DIO2: variants seen among roughly 807,000 people sequenced by gnomAD.
DIO2 encodes iodothyronine deiodinase 2, also known as type II iodothyronine deiodinase.
Under a neutral mutation model 21.4 loss-of-function variants are expected in DIO2, and 19 were observed. The ratio of observed to expected loss-of-function variants is 0.89; its 90% CI spans 0.62 to 1.30. The LOEUF is 1.30. DIO2 is among the 50% of genes most tolerant of loss of function. The probability of loss-of-function intolerance (pLI) is 0.00; values close to 1 mark genes in which losing one functional copy is unlikely to be tolerated. For missense variants in DIO2, 302 were observed against 338.1 expected (o/e 0.89, Z 0.84); for synonymous variants, 122 against 132.9 (o/e 0.92, Z 0.57).
intron 2 of DIO2, among the ~76,000 whole-genome samples, chr14:80,226,578 G>A (rs920142992): frequency 3.9e-5 from 6 of 152,190 alleles, no homozygotes; most frequent in Admixed American, 2.0e-4. Flanking sequence ...CCCAAGGAAT[G>A]GTGCCATACC....
At chr14:80,218,546 A>T (rs1011143805) in intron 2 of DIO2, among the ~76,000 whole-genome samples, 1 of 152,178 alleles carries the variant, frequency 6.6e-6, no homozygotes, top group African/African-American at 2.4e-5. Flanking sequence ...AAGCTGGCCA[A>T]ATATTCCTGA....
At chr14:80,203,492 A>G (rs1466918861) in intron 1 of DIO2, among the ~76,000 whole-genome samples, 1 of 152,202 alleles carries the variant, frequency 6.6e-6, no homozygotes, top group Admixed American at 6.5e-5. Flanking sequence ...AAAAGACAAT[A>G]AAAGTCTTTT....
chr14:80,230,548 T>C (rs559515680), intron 2 of DIO2, among the ~76,000 whole-genome samples: 1 of 152,296 alleles, frequency 6.6e-6, no homozygotes, highest in African/African-American at 2.4e-5. Flanking sequence ...TTCATTATGT[T>C]CCTTGATTCT....
chr14:80,211,525 T>G (rs1004404096), upstream of DIO2: 6 of 968,916 alleles, frequency 6.2e-6, no homozygotes, highest in African/African-American at 5.6e-5. Flanking sequence ...CCCTTCACCC[T>G]CTTATTTAAA....
Position 80,202,821 on chromosome 14 carries a change from C to T in DIO2, c.690G>A (p.Val230=). The stretch of plus-strand genomic sequence containing the variant: ...CAATTTTCTGTCTCTGCACAATGCA[C>T]ACACGTTCAAAGGCTACCCCGTAAG... ...NIAYGVAFER[V]CIVQRQKIAY... The change falls in exon 2 of 2, where the codon GTG becomes GTA. Residue 230 remains valine, a synonymous_variant. Coordinates refer to ENST00000438257, the MANE Select transcript of DIO2 (RefSeq NM_013989.5). 6.2e-7 allele frequency: 1 copy of T among 1,613,952 alleles called. No individual in the cohort carries two copies. The highest frequency in any genetic ancestry group is 8.5e-7 in the Non-Finnish European group (1 of 1,179,906).
intron 1 of DIO2, among the ~76,000 whole-genome samples, chr14:80,210,042 C>A (rs952599536): frequency 6.6e-6 from 1 of 152,170 alleles, no homozygotes; most frequent in Non-Finnish European, 1.5e-5. Flanking sequence ...TAAAACACAC[C>A]ACTTCACTGA....
intron 2 of DIO2, among the ~76,000 whole-genome samples, chr14:80,227,091 T>A (rs1057163248): frequency 2.6e-5 from 4 of 152,122 alleles, no homozygotes; most frequent in African/African-American, 9.7e-5. Flanking sequence ...CTGGGAAGAT[T>A]TCCTTCCACT....
At chr14:80,222,332 G>A (rs1164751263) in intron 2 of DIO2, among the ~76,000 whole-genome samples, 1 of 152,138 alleles carries the variant, frequency 6.6e-6, no homozygotes, top group Admixed American at 6.5e-5. Context: ...ACATAAAAAT[G>A]AAATAAAAAT....
At position 80,226,188 on chromosome 14, in the gene DIO2, C is replaced by T. The variant is rs962692362; in HGVS notation, c.-277-9451G>A. On this transcript the variant is annotated intron_variant, in intron 2 of 4. Coordinates refer to the DIO2 transcript ENST00000553594. ...CACAGCCTTCTGGAGAACTTTGCCA[C>T]AGTCCTGCAAAGTATTGTCACCTAG... Among the ~76,000 whole-genome samples the T allele has an allele frequency of 3.9e-5, 6 of 152,152 alleles. No individual in the cohort carries two copies. In the South Asian group the frequency reaches 1.0e-3, roughly 26 times the overall value.
intron 2 of DIO2, among the ~76,000 whole-genome samples, chr14:80,222,107 C>T (rs1888476985): frequency 6.6e-6 from 1 of 152,164 alleles, no homozygotes; most frequent in Admixed American, 6.5e-5. Context: ...AAAATTTTAC[C>T]TGATGCTCTA....
intron 3 of DIO2, chr14:80,216,636 CA>C (rs1187005456): frequency 2.0e-5 from 3 of 151,712 alleles, no homozygotes; most frequent in Non-Finnish European, 4.4e-5. Flanking sequence ...CATTCATGAC[CA>C]AAAATAAATA....
chr14:80,206,228 C>T (rs754607013), intron 1 of DIO2: 1 of 1,514,236 alleles, frequency 6.6e-7, no homozygotes, highest in Non-Finnish European at 8.9e-7. Flanking sequence ...AACACACACC[C>T]ACCATCCATA....
rs774811269 is a variant in DIO2, at chr14:80,201,766, T to C, written c.*923A>G. The C allele has an allele frequency of 2.0e-5, 3 of 152,076 alleles. No homozygotes were observed. Among genetic ancestry groups the C allele is most frequent in the African/African-American group, 4.8e-5 (2 of 41,354 alleles). 9.4% of individuals were successfully genotyped at this position (152,076 alleles called of 1,614,324 possible). A position where few individuals can be genotyped will look rare whatever the true frequency, so the allele number is the denominator to read the frequency against. ...CTCACAATTACAAATATTTAAGTAT[T>C]TTTTTTTCTTTCAATCACCCCTTTC... On this transcript the variant is annotated 3_prime_UTR_variant, in exon 2 of 2. Transcript: ENST00000438257.
rs1439544840 is a variant in DIO2 at position 80,199,192 on chromosome 14, A to G, written c.*3497T>C. ...GAATTTTATGCAGCAAGGCAGCACC[A>G]ACATGTGACCTCACCATATTTCATA... is the stretch of plus-strand genomic sequence containing the variant. On this transcript the variant is annotated 3_prime_UTR_variant, in exon 2 of 2. Coordinates refer to ENST00000438257, the MANE Select transcript of DIO2 (RefSeq NM_013989.5). 1.3e-5 allele frequency: 2 copies of G among 152,266 alleles called. No homozygotes were observed. The highest frequency in any genetic ancestry group is 2.9e-5 in the Non-Finnish European group (2 of 68,060). The allele number at this position is 152,266 out of a possible 1,614,324, so 9.4% of individuals were successfully genotyped here.
At position 80,197,665 on chromosome 14, in the gene DIO2, CAT is replaced by C. The variant is rs1354065947; in HGVS notation, c.*5022_*5023del. On this transcript the variant is annotated 3_prime_UTR_variant, in exon 2 of 2. Coordinates refer to ENST00000438257, the MANE Select transcript of DIO2 (RefSeq NM_013989.5). ...GTTCATTTTCTGCAACTGAGAAGCA[CAT>C]ATGTGTAGCATATGCACGCGTGCAT... 2.0e-5 allele frequency: 3 copies of C among 152,656 alleles called. No homozygotes were observed. Among genetic ancestry groups the C allele is most frequent in the Admixed American group, 6.5e-5 (1 of 15,288 alleles). 9.5% of individuals were successfully genotyped at this position (152,656 alleles called of 1,614,324 possible).
rs371030555 is a variant in DIO2, at chr14:80,202,768, G to A, written c.743C>T (p.Ser248Phe). 6.2e-7 allele frequency: 1 copy of A among 1,613,902 alleles called. No homozygotes were observed. The highest frequency in any genetic ancestry group is 1.3e-5 in the African/African-American group (1 of 75,012). ...ATGCCGGACTTCTTGAAGGTTGTAG[G>A]AGAAGGGGCCCTTTCCTCCCAGATA... ...IAYLGGKGPF[S>F]YNLQEVRHWL... The change falls in exon 2 of 2, where the codon TCC becomes TTC. Residue 248 changes from serine (S) to phenylalanine (F), a missense_variant. By Grantham distance (155) the Ser-to-Phe change is radical. Transcript: ENST00000438257.
In DIO2 at chr14:80,203,088, T is replaced by G. The variant is rs746553364; in HGVS notation, c.423A>C (p.Pro141=). 11 of 1,613,926 alleles carry G rather than the reference T, an allele frequency of 6.8e-6. No individual in the cohort carries two copies. Among genetic ancestry groups the G allele is most frequent in the Non-Finnish European group, 8.5e-6 (10 of 1,179,854 alleles). The part of the protein sequence containing the change: ...ATUPPFTSQL[P]AFRKLVEEFS... ...ACTCTTCCACCAGTTTGCGGAAGGCTGGCAGCTGGCTCGTGAAAGGAGGTC... is the reference window on the plus strand; with the variant it reads ...ACTCTTCCACCAGTTTGCGGAAGGCGGGCAGCTGGCTCGTGAAAGGAGGTC... The change falls in exon 2 of 2, where the codon CCA becomes CCC. Residue 141 remains proline, a synonymous_variant. Transcript: ENST00000438257.
chr14:80,218,979 A>C (rs1260476555), intron 2 of DIO2, among the ~76,000 whole-genome samples: 2 of 152,202 alleles, frequency 1.3e-5, no homozygotes, highest in Non-Finnish European at 2.9e-5. Context: ...CTCTGTCTCA[A>C]AAAGAAAAAA....
In DIO2 at chr14:80,202,553, G is replaced by GT. The variant is rs1480065865; in HGVS notation, c.*135_*136insA. On this transcript the variant is annotated 3_prime_UTR_variant, in exon 2 of 2. Transcript: ENST00000438257. ...GTGAAAGAAGTATGGAGCTGTTAGA[G>GT]ATTCATGTTCTTCCGATAGATAAAC... 1.1e-6 allele frequency: 1 copy of GT among 917,890 alleles called. No homozygotes were observed. Among genetic ancestry groups the GT allele is most frequent in the East Asian group, 2.6e-5 (1 of 38,218 alleles). The allele number at this position is 917,890 out of a possible 1,614,324, so 56.9% of individuals were successfully genotyped here.
Sources: gnomAD v4.1 joint callset for allele counts (sites outside exome capture counted in the v4.1 genomes callset) on GRCh38, gnomAD v4.1.1 for gene constraint, MANE v1.5 for transcripts, NCBI Gene and HGNC (gene_info 2026-07-23, HGNC 2026-07-21) for gene names.